Variants in R3HDM2 observed in about 807,000 individuals in gnomAD.
R3HDM2 encodes the protein R3H domain-containing protein 2.
R3HDM2 carries 38 observed loss-of-function variants against 124.5 expected under a neutral mutation model. The ratio of observed to expected loss-of-function variants is 0.31; its 90% CI spans 0.24 to 0.40. The LOEUF is 0.40. Ranked by LOEUF, R3HDM2 falls within the 10% of genes least tolerant of loss-of-function variation. The pLI is 1.00. For missense variants in R3HDM2, 869 were observed against 1,236.9 expected (o/e 0.70, Z 4.46); for synonymous variants, 391 against 448.0 (o/e 0.87, Z 1.61).
chr12:57,349,237 G>A (rs1252225392), intron 2 of R3HDM2, among the ~76,000 whole-genome samples: 7 of 151,200 alleles, frequency 4.6e-5, no homozygotes, highest in Non-Finnish European at 1.0e-4. Context: ...AAAATTAGCC[G>A]GGCGTGGTGG....
At position 57,388,742 on chromosome 12, in the gene R3HDM2, T is replaced by C. The variant is rs527541833; in HGVS notation, c.-36+7007A>G. Among the ~76,000 whole-genome samples, 35 of 152,220 alleles carry C rather than the reference T, an allele frequency of 2.3e-4. 1 individual carries two copies. The South Asian group carries it at 5.8e-3, about 25-fold the overall frequency. On this transcript the variant is annotated intron_variant, in intron 2 of 23. Transcript: ENST00000402412. ...CCTTGGTCCCGCCAGCCTGACTCCT[T>C]TTCCCGAATTAGGACTCCACATGGA...
At chr12:57,302,682 AAAAAGT>A (rs940537315) in intron 4 of R3HDM2, among the ~76,000 whole-genome samples, 6 of 151,698 alleles carry the variant, frequency 4.0e-5, no homozygotes, top group Admixed American at 2.0e-4. Context: ...AAAAAAAAAA[AAAAAGT>A]AAAACATTAG....
At chr12:57,352,760 C>G (rs2060821523) in intron 2 of R3HDM2, among the ~76,000 whole-genome samples, 1 of 152,100 alleles carries the variant, frequency 6.6e-6, no homozygotes, top group South Asian at 2.1e-4. Flanking sequence ...TCCTAAAGTG[C>G]TGGGATTACA....
intron 12 of R3HDM2, among the ~76,000 whole-genome samples, chr12:57,286,405 T>C (rs1362467639): frequency 1.3e-5 from 2 of 152,150 alleles, no homozygotes; most frequent in African/African-American, 4.8e-5. Flanking sequence ...AGGTATTTGT[T>C]TCACAAACAT....
At chr12:57,425,213 G>A (rs1024950693) in intron 1 of R3HDM2, among the ~76,000 whole-genome samples, 6 of 151,648 alleles carry the variant, frequency 4.0e-5, no homozygotes, top group African/African-American at 7.3e-5. Flanking sequence ...TGGAAGTTGC[G>A]GTGAGCCGAG....
intron 3 of R3HDM2, among the ~76,000 whole-genome samples, chr12:57,307,738 G>A (rs1456913444): frequency 6.7e-6 from 1 of 150,174 alleles, no homozygotes; most frequent in African/African-American, 2.5e-5. Flanking sequence ...GCATTCTCCT[G>A]CTTTAGCCTC....
At chr12:57,417,680 G>A (rs1254183427) in intron 1 of R3HDM2, among the ~76,000 whole-genome samples, 1 of 152,140 alleles carries the variant, frequency 6.6e-6, no homozygotes, top group Non-Finnish European at 1.5e-5. Flanking sequence ...GAATTATAAT[G>A]CATTCCATCC....
Position 57,297,373 on chromosome 12 carries a change from A to T in R3HDM2, c.515T>A (p.Leu172Gln). The stretch of plus-strand genomic sequence containing the variant: ...CAGAATCTCCTGTTCTAATTTTAGC[A>T]GCATCATTCTGTCCCTGTTTAAAAA... ...LKKNPRDRMM[L>Q]LKLEQEILEF... The change falls in exon 8 of 24, where the codon CTG becomes CAG. Residue 172 changes from leucine to glutamine, a missense_variant. Physicochemically the swap from Leu to Gln is moderately radical, Grantham distance 113 (BLOSUM62 -2). Transcript: ENST00000402412. 6.5e-7 allele frequency: 1 copy of T among 1,527,718 alleles called. No individual in the cohort carries two copies. Among genetic ancestry groups the T allele is most frequent in the Non-Finnish European group, 8.9e-7 (1 of 1,126,398 alleles). 94.6% of individuals were successfully genotyped at this position (1,527,718 alleles called of 1,614,324 possible).
intron 2 of R3HDM2, among the ~76,000 whole-genome samples, chr12:57,354,541 G>GC (rs1400448263): frequency 1.3e-5 from 2 of 150,758 alleles, no homozygotes; most frequent in African/African-American, 4.9e-5. Context: ...TGATTCGCCT[G>GC]CCTCAGCCTC....
At chr12:57,364,050 C>T (rs930639240) in intron 2 of R3HDM2, among the ~76,000 whole-genome samples, 3 of 151,148 alleles carry the variant, frequency 2.0e-5, no homozygotes. Flanking sequence ...GAATCATTAG[C>T]TTGCAATGAT....
intron 21 of R3HDM2, among the ~76,000 whole-genome samples, chr12:57,257,557 T>G (rs749383244): frequency 1.3e-5 from 2 of 152,224 alleles, no homozygotes; most frequent in African/African-American, 4.8e-5. Flanking sequence ...TGAGTTTAAG[T>G]AACTTGTTGA....
chr12:57,272,477 G>A, intron 14 of R3HDM2: 2 of 1,550,794 alleles, frequency 1.3e-6, no homozygotes, highest in South Asian at 2.4e-5. Flanking sequence ...GGGGCGGAGA[G>A]ACTGGCAGAA....
chr12:57,323,800 CT>C (rs1055290464), intron 2 of R3HDM2, among the ~76,000 whole-genome samples: 4 of 152,138 alleles, frequency 2.6e-5, no homozygotes, highest in Non-Finnish European at 4.4e-5. Context: ...TAAAAATGCC[CT>C]TTTTACGTCC....
intron 2 of R3HDM2, among the ~76,000 whole-genome samples, chr12:57,392,217 T>C (rs1364027190): frequency 6.6e-6 from 1 of 152,142 alleles, no homozygotes; most frequent in Non-Finnish European, 1.5e-5. Flanking sequence ...GGGAAAATCT[T>C]AAAAGCAGCC....
intron 2 of R3HDM2, among the ~76,000 whole-genome samples, chr12:57,349,415 A>G (rs2060452223): frequency 6.6e-6 from 1 of 150,742 alleles, no homozygotes; most frequent in Non-Finnish European, 1.5e-5. Context: ...AAAGAAAAGA[A>G]AATCAAGAAA....
intron 3 of R3HDM2, chr12:57,305,785 T>G (rs1566062041): frequency 2.5e-6 from 1 of 394,568 alleles, no homozygotes; most frequent in African/African-American, 2.1e-5. Flanking sequence ...AACCCATAGA[T>G]TCATACATTT....
chr12:57,417,139 A>G (rs887324294), intron 1 of R3HDM2, among the ~76,000 whole-genome samples: 10 of 150,188 alleles, frequency 6.7e-5, no homozygotes, highest in Non-Finnish European at 1.3e-4. Flanking sequence ...AAACAAAAAA[A>G]GCCTAGGTAA....
chr12:57,300,154 T>C lies in R3HDM2; in HGVS notation c.235A>G (p.Ser79Gly). Residue 79 changes from serine (S) to glycine (G), a missense_variant, in exon 5 of 24, where the codon AGC (serine) becomes GGC (glycine). Coordinates refer to ENST00000402412, the MANE Select transcript of R3HDM2 (RefSeq NM_001394031.1). Reference protein sequence around the residue: ...KSNSKLKLVRSLAVCEESSTP... With the variant: ...KSNSKLKLVRGLAVCEESSTP... ...GAGGACTCCTCACACACTGCCAGGCTACGCACCAACTTTAGCTTGGAATTA... is the reference window on the plus strand; with the variant it reads ...GAGGACTCCTCACACACTGCCAGGCCACGCACCAACTTTAGCTTGGAATTA... 6.4e-7 allele frequency: 1 copy of C among 1,551,676 alleles called. No homozygotes were observed. The highest frequency in any genetic ancestry group is 8.7e-7 in the Non-Finnish European group (1 of 1,146,924).
chr12:57,276,404 G>C (rs2044751775), intron 14 of R3HDM2, among the ~76,000 whole-genome samples: 1 of 151,826 alleles, frequency 6.6e-6, no homozygotes, highest in Non-Finnish European at 1.5e-5. Context: ...AGTGGGTAAA[G>C]AAACTGTGGT....
Sources: allele counts gnomAD v4.1 joint callset (sites outside exome capture counted in the v4.1 genomes callset), GRCh38; gene constraint gnomAD v4.1.1; transcripts MANE v1.5; gene names NCBI Gene and HGNC (gene_info 2026-07-23, HGNC 2026-07-21).